The following ARNT2 variants were observed in gnomAD, a reference collection of about 807,000 sequenced individuals.
The protein encoded by ARNT2 is aryl hydrocarbon receptor nuclear translocator 2.
ARNT2 carries 36 observed loss-of-function variants against 91.7 expected under a neutral mutation model. The ratio of observed to expected loss-of-function variants is 0.39; its 90% CI spans 0.30 to 0.52. The LOEUF is 0.52. Ranked by LOEUF, ARNT2 falls within the 20% of genes least tolerant of loss-of-function variation. ARNT2 has a pLI of 0.72. For missense variants in ARNT2, 775 were observed against 939.3 expected, an observed-to-expected ratio of 0.83 and a Z score of 2.29; for synonymous variants, 365 against 347.1, an observed-to-expected ratio of 1.05 and a Z score of -0.57.
At chr15:80,427,650 C>T (rs910932499) in intron 1 of ARNT2, among the ~76,000 whole-genome samples, 3 of 152,200 alleles carry the variant, frequency 2.0e-5, no homozygotes, top group African/African-American at 4.8e-5. Context: ...GAATCACACA[C>T]TCTTGAAAGG....
At position 80,409,926 on chromosome 15, in the gene ARNT2, C is replaced by T. The variant is rs924883805; in HGVS notation, c.31+5380C>T. Reference sequence around the variant, plus strand: ...GGAGAACAGGGAGCAAGGGTGAAAGCGGTGTGAGAAGCTGGAGCTGCGGTA... The same window carrying T: ...GGAGAACAGGGAGCAAGGGTGAAAGTGGTGTGAGAAGCTGGAGCTGCGGTA... On this transcript the variant is annotated intron_variant, in intron 1 of 18. Transcript: ENST00000303329. Among the ~76,000 whole-genome samples, 15 of 152,084 alleles carry T rather than the reference C, an allele frequency of 9.9e-5. No individual in the cohort carries two copies. In the East Asian group the frequency reaches 1.2e-3, roughly 12 times the overall value.
At chr15:80,433,670 G>T (rs974324856) in intron 1 of ARNT2, 1 of 152,112 alleles carries the variant, frequency 6.6e-6, no homozygotes. Context: ...AGGGGCAAAG[G>T]GAAAGCCTCT....
At chr15:80,541,895 A>T (rs1897912973) in intron 8 of ARNT2, among the ~76,000 whole-genome samples, 1 of 152,204 alleles carries the variant, frequency 6.6e-6, no homozygotes, top group Non-Finnish European at 1.5e-5. Flanking sequence ...GCCTTCCTGC[A>T]GTCATCCATC....
chr15:80,596,925 C>G lies in ARNT2; in HGVS notation c.*3227C>G. The G allele has an allele frequency of 2.8e-6, 1 of 356,598 alleles. No homozygotes were observed. The highest frequency in any genetic ancestry group is 5.5e-6 in the Non-Finnish European group (1 of 181,110). The allele number at this position is 356,598 out of a possible 1,614,324, so 22.1% of individuals were successfully genotyped here. On this transcript the variant is annotated 3_prime_UTR_variant, in exon 19 of 19. Coordinates refer to ENST00000303329, the MANE Select transcript of ARNT2 (RefSeq NM_014862.4). ...CACTCTGTCCATGCGTCACTCCCCC[C>G]AGTTTTATTTTTAGCTTTGGCTTCA...
Position 80,404,520 on chromosome 15 carries a change from C to T in ARNT2, c.5C>T (p.Ala2Val). MATPAAVNPPEM... is the reference protein window; with the variant it reads MVTPAAVNPPEM... ...CGCCTATCCTCTCCGAGCAAGATGG[C>T]AACCCCGGCGGCGGTCAACCCTCCG... The change falls in exon 1 of 19, where the codon GCA becomes GTA. Residue 2 changes from alanine (A) to valine (V), a missense_variant. Ala to Val is a moderately conservative substitution (Grantham distance 64). Transcript: ENST00000303329. The surrounding 1 kb of genome is among the most constrained non-coding windows in gnomAD (Gnocchi z 5.5). The T allele has an allele frequency of 8.1e-7, 1 of 1,229,524 alleles. No individual in the cohort carries two copies. Among genetic ancestry groups the T allele is most frequent in the Middle Eastern group, 2.8e-4 (1 of 3,566 alleles). The allele number at this position is 1,229,524 out of a possible 1,614,324, so 76.2% of individuals were successfully genotyped here. A position where few individuals can be genotyped will look rare whatever the true frequency, so the allele number is the denominator to read the frequency against.
chr15:80,502,852 A>G (rs1462168851), intron 5 of ARNT2, among the ~76,000 whole-genome samples: 1 of 152,184 alleles, frequency 6.6e-6, no homozygotes, highest in Non-Finnish European at 1.5e-5. Flanking sequence ...AAGAGTACAC[A>G]TAGGAGAGGT....
Position 80,457,962 on chromosome 15 carries a change from C to T in ARNT2, c.180C>T (p.Pro60=), listed in dbSNP as rs1487125190. Residue 60 remains proline (P), a synonymous_variant, in exon 3 of 19, where the codon CCC becomes CCT. Coordinates refer to ENST00000303329, the MANE Select transcript of ARNT2 (RefSeq NM_014862.4). ...TCGATGATGAAGATGGTGAAGGCCCCAGTAAATTTTCAAGGTAAGTTTATT... is the reference window on the plus strand; with the variant it reads ...TCGATGATGAAGATGGTGAAGGCCCTAGTAAATTTTCAAGGTAAGTTTATT... The part of the protein sequence containing the change: ...MDFDDEDGEG[P]SKFSRENHSE... The T allele has an allele frequency of 6.2e-7, 1 of 1,613,874 alleles. No individual in the cohort carries two copies. The highest frequency in any genetic ancestry group is 8.5e-7 in the Non-Finnish European group (1 of 1,179,906).
At position 80,577,725 on chromosome 15, in the gene ARNT2, C is replaced by CAG. The variant is rs1169064140; in HGVS notation, c.1613+767_1613+768dup. Among the ~76,000 whole-genome samples, 18 of 152,334 alleles carry CAG rather than the reference C, an allele frequency of 1.2e-4. No homozygotes were observed. In the East Asian group the frequency reaches 3.5e-3, roughly 29 times the overall value. ...AGGAGGGCAGGTGGGGCCGGCCACC[C>CAG]AGAGAGAGGCCCCTGCCACGGGACT... On this transcript the variant is annotated intron_variant, in intron 15 of 18. Transcript: ENST00000303329.
At chr15:80,478,014 C>A (rs556020760) in intron 5 of ARNT2, among the ~76,000 whole-genome samples, 1 of 152,154 alleles carries the variant, frequency 6.6e-6, no homozygotes, top group Non-Finnish European at 1.5e-5. Flanking sequence ...TGTAAAACAG[C>A]GATGCTGAAA....
intron 8 of ARNT2, among the ~76,000 whole-genome samples, chr15:80,515,215 A>G (rs1329256473): frequency 6.6e-6 from 1 of 152,232 alleles, no homozygotes; most frequent in East Asian, 1.9e-4. Context: ...GTTCCTGAAA[A>G]TATTAAAAAC....
chr15:80,555,406 A>C (rs1273361407), intron 11 of ARNT2: 1 of 425,360 alleles, frequency 2.4e-6, no homozygotes, highest in Non-Finnish European at 4.3e-6. Flanking sequence ...GGTTAACTGC[A>C]TGGGGAAGAG....
chr15:80,436,782 G>T (rs1258799820), intron 1 of ARNT2, among the ~76,000 whole-genome samples: 3 of 152,196 alleles, frequency 2.0e-5, no homozygotes, highest in Non-Finnish European at 4.4e-5. Flanking sequence ...TTTAGTATTT[G>T]TCCCACTCTC....
chr15:80,419,597 T>A (rs1215327084), intron 1 of ARNT2, among the ~76,000 whole-genome samples: 4 of 152,032 alleles, frequency 2.6e-5, no homozygotes. Flanking sequence ...CGTGAGAGGG[T>A]AGGAAGAGGA....
chr15:80,470,135 A>G (rs2141394408), intron 3 of ARNT2, 83 bp from the exon 4 acceptor site: 2 of 1,371,838 alleles, frequency 1.5e-6, no homozygotes, highest in Non-Finnish European at 1.0e-6. Flanking sequence ...TTTGGTGTTA[A>G]TGGTTTTATC....
At chr15:80,521,723 G>A (rs1010306723) in intron 8 of ARNT2, among the ~76,000 whole-genome samples, 4 of 152,050 alleles carry the variant, frequency 2.6e-5, no homozygotes, top group African/African-American at 9.7e-5. Flanking sequence ...AAAACGTTTC[G>A]TAGAATGTTG....
In ARNT2 at chr15:80,593,806, C is replaced by A; in HGVS notation, c.*108C>A. 1.0e-6 allele frequency: 1 copy of A among 991,636 alleles called. No homozygotes were observed. The highest frequency in any genetic ancestry group is 1.5e-6 in the Non-Finnish European group (1 of 661,504). The allele number at this position is 991,636 out of a possible 1,614,324, so 61.4% of individuals were successfully genotyped here. ...CCTGCTTGCCCTGCCGCAGGCCCCC[C>A]ACCAGAAGCCATCTCCCCCGCTGTG... On this transcript the variant is annotated 3_prime_UTR_variant, in exon 19 of 19. Transcript: ENST00000303329.
At chr15:80,423,776 C>CAGAG (rs3054951) in intron 1 of ARNT2, among the ~76,000 whole-genome samples, 11,020 of 148,542 alleles carry the variant, frequency 0.074, 458 homozygotes, top group African/African-American at 0.092. Flanking sequence ...GAGAAAGAGG[C>CAGAG]AGAGAGAGAG....
intron 17 of ARNT2, among the ~76,000 whole-genome samples, chr15:80,588,602 C>T (rs554667247): frequency 6.6e-6 from 1 of 152,126 alleles, no homozygotes; most frequent in Non-Finnish European, 1.5e-5. Context: ...CACTCTATTC[C>T]TCTTCCATCC....
At chr15:80,526,534 G>T (rs1897643105) in intron 8 of ARNT2, among the ~76,000 whole-genome samples, 1 of 152,332 alleles carries the variant, frequency 6.6e-6, no homozygotes. Flanking sequence ...AAAATGCCAG[G>T]TTAACTGGCA....
Sources: allele counts gnomAD v4.1 joint callset (sites outside exome capture counted in the v4.1 genomes callset), GRCh38; gene constraint gnomAD v4.1.1; non-coding constraint Gnocchi (gnomAD v3.1); transcripts MANE v1.5; gene names NCBI Gene and HGNC (gene_info 2026-07-23, HGNC 2026-07-21).